The following LRRC1 variants were observed in gnomAD, a reference collection of about 807,000 sequenced individuals.
LRRC1 encodes leucine-rich repeat-containing protein 1.
In LRRC1, 28 loss-of-function variants were observed where a neutral mutation model predicts 69.9. The observed-to-expected ratio is 0.40, with a 90% CI of 0.30 to 0.55. The LOEUF (loss-of-function observed/expected upper bound fraction) is 0.55, where lower values mean the gene tolerates loss of function less well. LRRC1 is among the 20% of genes least tolerant of loss of function. LRRC1 has a pLI of 0.47. For synonymous variants in LRRC1, 236 were observed against 240.2 expected (o/e 0.98, Z 0.16); for missense variants, 498 against 609.0 (o/e 0.82, Z 1.92).
At chr6:53,803,334 G>A (rs992572613) in intron 1 of LRRC1, among the ~76,000 whole-genome samples, 1 of 152,186 alleles carries the variant, frequency 6.6e-6, no homozygotes, top group African/African-American at 2.4e-5. Context: ...TTCTCACTGT[G>A]CTCACTGAAG....
At chr6:53,909,235 G>A (rs778683528) in intron 10 of LRRC1, among the ~76,000 whole-genome samples, 2 of 152,142 alleles carry the variant, frequency 1.3e-5, no homozygotes, top group Non-Finnish European at 2.9e-5. Context: ...ATGAGGTATA[G>A]GTAAACCATT....
In LRRC1 at chr6:53,897,295, T is replaced by C. The variant is rs369535354; in HGVS notation, c.578T>C (p.Ile193Thr). 40 of 1,610,298 alleles carry C rather than the reference T, an allele frequency of 2.5e-5. No homozygotes were observed. Among genetic ancestry groups the C allele is most frequent in the Admixed American group, 5.0e-5 (3 of 59,946 alleles). ...TTTCTTTTGTTTTAGCCAGAATCAA[T>C]TGGAGCCCTCTTACATCTAAAAGAT... ...NNEIYNLPESIGALLHLKDLW... is the reference protein window; with the variant it reads ...NNEIYNLPESTGALLHLKDLW... Residue 193 changes from isoleucine (I) to threonine (T), a missense_variant, in exon 7 of 14, where the codon ATT (isoleucine) becomes ACT (threonine). Ile to Thr is a moderately conservative substitution (Grantham distance 89). This residue lies in a region of LRRC1 where 266 missense variants were observed against 383.9 expected (regional missense o/e 0.69). Coordinates refer to ENST00000370888, the MANE Select transcript of LRRC1 (RefSeq NM_018214.5).
Position 53,892,432 on chromosome 6 carries a change from C to T in LRRC1, c.447-4066C>T, listed in dbSNP as rs118101496. Among the ~76,000 whole-genome samples the T allele has an allele frequency of 2.0e-3, 299 of 152,188 alleles. 4 individuals are homozygous for T. The East Asian group carries it at 0.041, about 21-fold the overall frequency. Reference sequence around the variant, plus strand: ...GTTTAACTGAAATAGTGGATAAAGGCCTGTGGAGGTTGGGTCTCCCTCTGT... The same window carrying T: ...GTTTAACTGAAATAGTGGATAAAGGTCTGTGGAGGTTGGGTCTCCCTCTGT... On this transcript the variant is annotated intron_variant, in intron 4 of 13. Transcript: ENST00000370888.
At chr6:53,814,856 T>C (rs1299873041) in intron 1 of LRRC1, among the ~76,000 whole-genome samples, 2 of 152,168 alleles carry the variant, frequency 1.3e-5, no homozygotes, top group South Asian at 2.1e-4. Context: ...TGAGGAAATA[T>C]TAGGGTATGG....
At chr6:53,850,740 ACAGTTTAG>A (rs1766100754) in intron 2 of LRRC1, among the ~76,000 whole-genome samples, 1 of 152,232 alleles carries the variant, frequency 6.6e-6, no homozygotes, top group Non-Finnish European at 1.5e-5. Context: ...TGTTCAGTTT[ACAGTTTAG>A]AGTGTGTGTG....
chr6:53,814,874 T>G (rs1764905798), intron 1 of LRRC1, among the ~76,000 whole-genome samples: 1 of 152,174 alleles, frequency 6.6e-6, no homozygotes, highest in African/African-American at 2.4e-5. Flanking sequence ...TGGGCTTCCC[T>G]AAGTGATGAT....
At chr6:53,844,190 C>T (rs1422092246) in intron 2 of LRRC1, among the ~76,000 whole-genome samples, 2 of 152,230 alleles carry the variant, frequency 1.3e-5, no homozygotes, top group Middle Eastern at 3.2e-3. Flanking sequence ...TGAAATGATT[C>T]TCTTGTCCTA....
At chr6:53,920,532 C>A in intron 12 of LRRC1, 93 bp from the exon 13 acceptor site, 2 of 1,429,404 alleles carry the variant, frequency 1.4e-6, no homozygotes, top group Non-Finnish European at 2.0e-6. Flanking sequence ...CCTGGTCCTC[C>A]GTATAGATTC....
Position 53,920,743 on chromosome 6 carries a change from T to C in LRRC1, c.1398T>C (p.Asp466=). The C allele has an allele frequency of 6.2e-7, 1 of 1,614,192 alleles. No individual in the cohort carries two copies. Among genetic ancestry groups the C allele is most frequent in the Non-Finnish European group, 8.5e-7 (1 of 1,180,022 alleles). The change falls in exon 13 of 14, where the codon GAT becomes GAC. Residue 466 remains aspartate (D), a synonymous_variant. Transcript: ENST00000370888. ...SAIRFVEDEK[D]EEDNETRTLL... ...TCCGATTTGTGGAGGATGAGAAAGATGAAGAAGACAATGAGACGGTATGGA... is the reference window on the plus strand; with the variant it reads ...TCCGATTTGTGGAGGATGAGAAAGACGAAGAAGACAATGAGACGGTATGGA...
intron 4 of LRRC1, among the ~76,000 whole-genome samples, chr6:53,895,467 A>C (rs1215890722): frequency 6.6e-6 from 1 of 152,136 alleles, no homozygotes; most frequent in African/African-American, 2.4e-5. Flanking sequence ...AAGGAGGGAG[A>C]ATGGAGGATT....
intron 8 of LRRC1, 121 bp downstream of exon 8, chr6:53,900,012 T>G: frequency 3.6e-6 from 2 of 552,692 alleles, no homozygotes; most frequent in Non-Finnish European, 2.9e-6. Context: ...CCTTAAAGTC[T>G]CCTTACTGTT....
chr6:53,796,177 C>T (rs781645026), intron 1 of LRRC1, among the ~76,000 whole-genome samples: 2 of 152,268 alleles, frequency 1.3e-5, no homozygotes, highest in Non-Finnish European at 2.9e-5. Flanking sequence ...CACAGTCGTC[C>T]TGCTGACTTT....
intron 1 of LRRC1, among the ~76,000 whole-genome samples, chr6:53,796,168 A>G (rs2127400118): frequency 6.6e-6 from 1 of 152,352 alleles, no homozygotes; most frequent in East Asian, 1.9e-4. Flanking sequence ...CGGAGCGGGC[A>G]CAGTCGTCCT....
In LRRC1 at chr6:53,795,149, C is replaced by A; in HGVS notation, c.-108C>A. On this transcript the variant is annotated 5_prime_UTR_variant, in exon 1 of 14. Transcript: ENST00000370888. ...AGAAGCGAGCTAACCCAAGAGCCAA[C>A]AACGAGCGCGGAGAGGGCAGCGGAC... 9.9e-7 allele frequency: 1 copy of A among 1,014,396 alleles called. No individual in the cohort carries two copies. 62.8% of individuals were successfully genotyped at this position (1,014,396 alleles called of 1,614,324 possible). A position where few individuals can be genotyped will look rare whatever the true frequency, so the allele number is the denominator to read the frequency against.
intron 1 of LRRC1, among the ~76,000 whole-genome samples, chr6:53,796,158 C>A (rs1362318500): frequency 1.3e-5 from 2 of 152,252 alleles, no homozygotes; most frequent in African/African-American, 4.8e-5. Flanking sequence ...CCGCCTTTCC[C>A]GGAGCGGGCA....
chr6:53,841,879 A>G (rs1325556893), intron 1 of LRRC1, among the ~76,000 whole-genome samples: 1 of 152,148 alleles, frequency 6.6e-6, no homozygotes, highest in Non-Finnish European at 1.5e-5. Flanking sequence ...TTTATTTTGA[A>G]ATAATTGTAG....
intron 2 of LRRC1, among the ~76,000 whole-genome samples, chr6:53,856,343 A>G (rs1766308115): frequency 6.6e-6 from 1 of 152,184 alleles, no homozygotes; most frequent in Admixed American, 6.5e-5. Flanking sequence ...GAAGGGTGGA[A>G]GGACCAAGTC....
At chr6:53,864,794 C>T (rs2127424590) in intron 2 of LRRC1, among the ~76,000 whole-genome samples, 1 of 152,180 alleles carries the variant, frequency 6.6e-6, no homozygotes, top group South Asian at 2.1e-4. Context: ...CTGATCTGAG[C>T]CTGTCCTCTG....
At chr6:53,844,648 T>C (rs182796380) in intron 2 of LRRC1, among the ~76,000 whole-genome samples, 1 of 151,570 alleles carries the variant, frequency 6.6e-6, no homozygotes, top group Admixed American at 6.6e-5. Flanking sequence ...ACCCTGCTTT[T>C]TGTTGTTGTT....
Sources: allele counts gnomAD v4.1 joint callset (sites outside exome capture counted in the v4.1 genomes callset), GRCh38; gene constraint gnomAD v4.1.1; regional missense constraint gnomAD v4.1.1; transcripts MANE v1.5; gene names NCBI Gene and HGNC (gene_info 2026-07-23, HGNC 2026-07-21).